Variants in GALNT13 observed in about 807,000 individuals in gnomAD.
The protein encoded by GALNT13 is UDP-GalNAc:polypeptide N-acetylgalactosaminyltransferase 13.
A neutral mutation model predicts 64.2 loss-of-function variants in GALNT13; 28 were observed. The observed-to-expected ratio is 0.44, with a 90% CI of 0.32 to 0.60. The LOEUF is 0.60. Among genes scored for constraint, GALNT13 ranks in the 20% least tolerant of loss-of-function variants. GALNT13 has a pLI of 0.05. For synonymous variants in GALNT13, 214 were observed against 224.6 expected (o/e 0.95, Z 0.42); for missense variants, 577 against 669.8 (o/e 0.86, Z 1.53).
chr2:153,902,654 T>A (rs1688313216), intron 2 of GALNT13, among the ~76,000 whole-genome samples: 1 of 152,048 alleles, frequency 6.6e-6, no homozygotes, highest in Non-Finnish European at 1.5e-5. Flanking sequence ...GCAGTGGGGA[T>A]GGACTGGCAG....
chr2:154,212,237 A>C (rs2105803127), intron 4 of GALNT13, among the ~76,000 whole-genome samples: 1 of 152,078 alleles, frequency 6.6e-6, no homozygotes, highest in South Asian at 2.1e-4. Context: ...CGTTTTGAAG[A>C]AATTCAATCA....
chr2:153,626,277 C>G, the GALNT13 span, among the ~76,000 whole-genome samples: 3 of 151,926 alleles, frequency 2.0e-5, no homozygotes, highest in Admixed American at 2.0e-4. Flanking sequence ...GAAACACAAC[C>G]TAAATATTAA....
At chr2:153,615,278 A>G in the GALNT13 span, among the ~76,000 whole-genome samples, 1 of 152,196 alleles carries the variant, frequency 6.6e-6, no homozygotes, top group African/African-American at 2.4e-5. Flanking sequence ...GTGTCTATTA[A>G]TAGACACCTA....
chr2:154,169,103 A>T (rs576498122), intron 4 of GALNT13, among the ~76,000 whole-genome samples: 17 of 151,386 alleles, frequency 1.1e-4, no homozygotes, highest in Non-Finnish European at 2.2e-4. Context: ...ACACTGCAAC[A>T]CTCCCTCACT....
chr2:153,951,654 G>T (rs1176516330), intron 3 of GALNT13, among the ~76,000 whole-genome samples: 1 of 152,022 alleles, frequency 6.6e-6, no homozygotes, highest in Non-Finnish European at 1.5e-5. Context: ...TTTGAGGGTG[G>T]ACTTTGAGTT....
At chr2:153,574,081 C>T in the GALNT13 span, among the ~76,000 whole-genome samples, 1 of 150,624 alleles carries the variant, frequency 6.6e-6, no homozygotes, top group Non-Finnish European at 1.5e-5. Flanking sequence ...TTCATTTCTC[C>T]TTCATATGTG....
chr2:153,959,749 G>C (rs1417471560), intron 3 of GALNT13, among the ~76,000 whole-genome samples: 1 of 152,156 alleles, frequency 6.6e-6, no homozygotes, highest in Non-Finnish European at 1.5e-5. Context: ...CAGAGGGAGA[G>C]GCCTGCACCA....
chr2:154,306,363 A>G (rs1165675035), intron 9 of GALNT13, among the ~76,000 whole-genome samples: 1 of 151,060 alleles, frequency 6.6e-6, no homozygotes, highest in African/African-American at 2.4e-5. Context: ...ATGTGTTCTC[A>G]TTGTTCACCT....
chr2:153,785,340 G>T, the GALNT13 span, among the ~76,000 whole-genome samples: 2 of 151,788 alleles, frequency 1.3e-5, no homozygotes, highest in African/African-American at 4.8e-5. Context: ...TGGGTGACAG[G>T]TTTGTGCCTC....
At chr2:153,763,388 G>A in the GALNT13 span, among the ~76,000 whole-genome samples, 11 of 152,264 alleles carry the variant, frequency 7.2e-5, no homozygotes, top group African/African-American at 2.4e-4. Context: ...TAATCTCCAT[G>A]TGTCAAGAGC....
the GALNT13 span, among the ~76,000 whole-genome samples, chr2:153,852,094 G>A: frequency 2.0e-5 from 3 of 151,900 alleles, no homozygotes; most frequent in Non-Finnish European, 2.9e-5. Context: ...ATAAAACTAC[G>A]GAAATTGAAA....
the GALNT13 span, among the ~76,000 whole-genome samples, chr2:153,729,364 C>G: frequency 6.6e-6 from 1 of 152,030 alleles, no homozygotes; most frequent in Non-Finnish European, 1.5e-5. Context: ...TCTCTTAATG[C>G]TATACGTTAA....
chr2:153,540,563 G>A, the GALNT13 span, among the ~76,000 whole-genome samples: 1 of 152,168 alleles, frequency 6.6e-6, no homozygotes, highest in Non-Finnish European at 1.5e-5. Flanking sequence ...CTTGCACTAT[G>A]TACCTGGAAC....
At chr2:154,073,396 A>T (rs1558943058) in intron 3 of GALNT13, among the ~76,000 whole-genome samples, 1 of 152,016 alleles carries the variant, frequency 6.6e-6, no homozygotes, top group African/African-American at 2.4e-5. Context: ...GAATAAAACA[A>T]GTAACTATTT....
chr2:153,302,580 C>T, the GALNT13 span, among the ~76,000 whole-genome samples: 3 of 152,150 alleles, frequency 2.0e-5, no homozygotes, highest in South Asian at 4.1e-4. Flanking sequence ...TCTATGTAAT[C>T]CCATTTGTCT....
the GALNT13 span, among the ~76,000 whole-genome samples, chr2:153,092,970 A>T: frequency 6.6e-6 from 1 of 151,834 alleles, no homozygotes; most frequent in Non-Finnish European, 1.5e-5. Context: ...CCCATTTAAT[A>T]TATTAGCTGT....
chr2:154,146,326 G>T (rs986421812), intron 4 of GALNT13, among the ~76,000 whole-genome samples: 1 of 151,794 alleles, frequency 6.6e-6, no homozygotes, highest in Non-Finnish European at 1.5e-5. Context: ...ACACATTTAA[G>T]TACGTTGTAT....
intron 9 of GALNT13, among the ~76,000 whole-genome samples, chr2:154,355,101 CA>C (rs1442442690): frequency 6.6e-6 from 1 of 152,072 alleles, no homozygotes; most frequent in Non-Finnish European, 1.5e-5. Context: ...AGACCCCACT[CA>C]ACTGCCATTA....
chr2:153,270,446 G>A, the GALNT13 span, among the ~76,000 whole-genome samples: 5 of 152,178 alleles, frequency 3.3e-5, no homozygotes, highest in African/African-American at 1.2e-4. Context: ...AAGTGATAGA[G>A]GTCAGATTAA....
Sources: allele counts gnomAD v4.1 joint callset (sites outside exome capture counted in the v4.1 genomes callset), GRCh38; gene constraint gnomAD v4.1.1; transcripts MANE v1.5; gene names NCBI Gene and HGNC (gene_info 2026-07-23, HGNC 2026-07-21).